The following CLSTN2 variants were observed in gnomAD, a reference collection of about 807,000 sequenced individuals.
CLSTN2 encodes calsyntenin 2.
CLSTN2 carries 48 observed loss-of-function variants against 101.2 expected under a neutral mutation model. That is an observed-to-expected ratio of 0.47 (90% CI 0.38 to 0.60). The LOEUF is 0.60. CLSTN2 is among the 20% of genes least tolerant of loss of function. CLSTN2 has a pLI of 0.00. For missense variants in CLSTN2, 1,160 were observed against 1,238.2 expected (o/e 0.94, Z 0.95); for synonymous variants, 481 against 463.6 (o/e 1.04, Z -0.48).
chr3:140,274,026 T>G (rs1373758213), intron 2 of CLSTN2, among the ~76,000 whole-genome samples: 2 of 152,038 alleles, frequency 1.3e-5, no homozygotes, highest in Non-Finnish European at 2.9e-5. Context: ...CAGCTCAGCC[T>G]CCTCCCGGCT....
chr3:140,061,018 T>C lies in CLSTN2; in HGVS notation c.110-114933T>C, dbSNP rs562818512. Among the ~76,000 whole-genome samples the C allele has an allele frequency of 3.5e-4, 53 of 152,264 alleles. 1 individual carries two copies. Among genetic ancestry groups the C allele is most frequent in the African/African-American group, 1.2e-3 (49 of 41,554 alleles). ...TCAGAGCGCTGGCAGAGGGAAGCCCTGAGCAGAGGGGCATAAGAGAAGATA... is the reference window on the plus strand; with the variant it reads ...TCAGAGCGCTGGCAGAGGGAAGCCCCGAGCAGAGGGGCATAAGAGAAGATA... On this transcript the variant is annotated intron_variant, in intron 1 of 16. Transcript: ENST00000458420.
chr3:140,457,708 T>C (rs985914339), intron 6 of CLSTN2, among the ~76,000 whole-genome samples: 1 of 152,164 alleles, frequency 6.6e-6, no homozygotes, highest in African/African-American at 2.4e-5. Context: ...CACCTAAGCA[T>C]TGGGTGAATT....
chr3:140,534,121 G>A (rs1047514343), intron 9 of CLSTN2, among the ~76,000 whole-genome samples: 4 of 152,222 alleles, frequency 2.6e-5, no homozygotes, highest in East Asian at 3.9e-4. Context: ...CAGAGGTTGC[G>A]CAGGAATCAA....
intron 1 of CLSTN2, among the ~76,000 whole-genome samples, chr3:140,034,342 A>G (rs550187758): frequency 9.8e-5 from 15 of 152,322 alleles, no homozygotes; most frequent in African/African-American, 3.6e-4. Context: ...GGGAATTCTC[A>G]TATTTTAGTC....
At chr3:140,313,256 CATA>C (rs1209007611) in intron 2 of CLSTN2, among the ~76,000 whole-genome samples, 2 of 152,166 alleles carry the variant, frequency 1.3e-5, no homozygotes, top group African/African-American at 4.8e-5. Context: ...GCTTAATCTT[CATA>C]ATAACACTGA....
At chr3:140,482,430 C>G (rs537409601) in intron 8 of CLSTN2, among the ~76,000 whole-genome samples, 1 of 152,108 alleles carries the variant, frequency 6.6e-6, no homozygotes, top group African/African-American at 2.4e-5. Context: ...CTCTGCCAGG[C>G]TTTGGTATCA....
At chr3:140,205,781 G>C (rs910303933) in intron 2 of CLSTN2, among the ~76,000 whole-genome samples, 2 of 152,296 alleles carry the variant, frequency 1.3e-5, no homozygotes, top group African/African-American at 4.8e-5. Context: ...CGATAAGGCA[G>C]GGTTGCTGCC....
chr3:140,269,732 C>T (rs907990176), intron 2 of CLSTN2, among the ~76,000 whole-genome samples: 1 of 152,132 alleles, frequency 6.6e-6, no homozygotes, highest in African/African-American at 2.4e-5. Context: ...GATGTAGCTC[C>T]TAAACTGCAC....
At chr3:140,373,905 C>G (rs539067619) in intron 2 of CLSTN2, among the ~76,000 whole-genome samples, 26 of 152,320 alleles carry the variant, frequency 1.7e-4, no homozygotes, top group Middle Eastern at 6.8e-3. Flanking sequence ...ATAGACTGGA[C>G]ATCTTGAGTG....
At chr3:140,349,936 C>T (rs962276442) in intron 2 of CLSTN2, among the ~76,000 whole-genome samples, 2 of 152,206 alleles carry the variant, frequency 1.3e-5, no homozygotes, top group African/African-American at 2.4e-5. Context: ...CCACCTCTGA[C>T]ATCCTCCCCT....
intron 1 of CLSTN2, among the ~76,000 whole-genome samples, chr3:139,972,964 C>A (rs1935741519): frequency 6.6e-6 from 1 of 152,204 alleles, no homozygotes; most frequent in African/African-American, 2.4e-5. Flanking sequence ...TTAATTGCTC[C>A]TTTAGTCTAC....
chr3:140,100,845 C>A (rs1358140262), intron 1 of CLSTN2, among the ~76,000 whole-genome samples: 5 of 152,222 alleles, frequency 3.3e-5, no homozygotes, highest in Admixed American at 3.3e-4. Flanking sequence ...ATAATGGCTC[C>A]AATGCCCATG....
intron 2 of CLSTN2, among the ~76,000 whole-genome samples, chr3:140,239,557 G>A (rs11717409): frequency 0.54 from 81,758 of 152,044 alleles, 24,322 homozygotes; most frequent in East Asian, 0.96. Flanking sequence ...AATCAGCTCC[G>A]TATTCAAAGA....
chr3:140,368,303 GCT>G (rs2087815848), intron 2 of CLSTN2, among the ~76,000 whole-genome samples: 2 of 152,164 alleles, frequency 1.3e-5, no homozygotes, highest in Admixed American at 1.3e-4. Flanking sequence ...CCATCAACAA[GCT>G]CTCTCCCTCT....
intron 1 of CLSTN2, among the ~76,000 whole-genome samples, chr3:140,076,643 T>TG (rs1272133599): frequency 1.4e-5 from 2 of 144,134 alleles, no homozygotes; most frequent in African/African-American, 5.3e-5. Context: ...TTTTTTTTTT[T>TG]TTTTTTTTTT....
At chr3:140,360,027 C>CAT (rs58715111) in intron 2 of CLSTN2, among the ~76,000 whole-genome samples, 136 of 145,370 alleles carry the variant, frequency 9.4e-4, no homozygotes, top group East Asian at 2.2e-3. Context: ...CACACACACA[C>CAT]ATATATATAT....
chr3:139,998,589 C>T (rs2006745267), intron 1 of CLSTN2, among the ~76,000 whole-genome samples: 1 of 151,850 alleles, frequency 6.6e-6, no homozygotes, highest in South Asian at 2.1e-4. Flanking sequence ...CGTGATCCGC[C>T]CGCCTCGGCC....
At chr3:140,050,284 G>T (rs1030792924) in intron 1 of CLSTN2, among the ~76,000 whole-genome samples, 1 of 152,200 alleles carries the variant, frequency 6.6e-6, no homozygotes, top group African/African-American at 2.4e-5. Context: ...GGAAACAAAA[G>T]CTTGCTCAGA....
At chr3:140,428,804 C>T (rs347329) in intron 5 of CLSTN2, among the ~76,000 whole-genome samples, 51,408 of 152,044 alleles carry the variant, frequency 0.34, 9,936 homozygotes, top group East Asian at 0.66. Context: ...TCTCCAAGTG[C>T]GTCAAATTGT....
Sources: allele counts gnomAD v4.1 joint callset (sites outside exome capture counted in the v4.1 genomes callset), GRCh38; gene constraint gnomAD v4.1.1; transcripts MANE v1.5; gene names NCBI Gene and HGNC (gene_info 2026-07-23, HGNC 2026-07-21).